The following TEX26 variants were observed in gnomAD, a reference collection of about 807,000 sequenced individuals.
The protein encoded by TEX26 is testis expressed 26.
TEX26 carries 34 observed loss-of-function variants against 35.3 expected under a neutral mutation model. The ratio of observed to expected loss-of-function variants is 0.96; its 90% CI spans 0.73 to 1.28. The LOEUF is 1.28. Among genes scored for constraint, TEX26 ranks in the 50% most tolerant of loss-of-function variants. The probability of loss-of-function intolerance (pLI) is 0.00; values close to 1 mark genes in which losing one functional copy is unlikely to be tolerated. For missense variants in TEX26, 371 were observed against 330.1 expected (o/e 1.12, Z -0.96); for synonymous variants, 136 against 111.8 (o/e 1.22, Z -1.36).
At chr13:30,950,064 A>G (rs1231374865) in intron 2 of TEX26, among the ~76,000 whole-genome samples, 1 of 152,236 alleles carries the variant, frequency 6.6e-6, no homozygotes, top group Non-Finnish European at 1.5e-5. Flanking sequence ...AAAAAATACA[A>G]GATTCCTATT....
rs1239303366 is a variant in TEX26, at chr13:30,968,927, C to A, written c.689C>A (p.Thr230Lys). The part of the protein sequence containing the change: ...LHSYLRNQEH[T>K]KKQTTYQSDY... ...AGCTACCTGAGGAACCAAGAGCACA[C>A]AAAGAAACAGACCACATACCAAAGT... is the stretch of plus-strand genomic sequence containing the variant. Residue 230 changes from threonine (T) to lysine (K), a missense_variant, in exon 6 of 7, where the codon ACA (threonine) becomes AAA (lysine). Coordinates refer to ENST00000380473, the MANE Select transcript of TEX26 (RefSeq NM_152325.3). 1 of 1,614,082 alleles carries A rather than the reference C, an allele frequency of 6.2e-7. No homozygotes were observed. Among genetic ancestry groups the A allele is most frequent in the Non-Finnish European group, 8.5e-7 (1 of 1,179,982 alleles).
At chr13:30,970,986 G>A (rs1343773284) in intron 6 of TEX26, among the ~76,000 whole-genome samples, 3 of 152,204 alleles carry the variant, frequency 2.0e-5, no homozygotes, top group Non-Finnish European at 4.4e-5. Context: ...CTGCTTTCCT[G>A]GTTCCCTCAG....
At chr13:30,956,795 G>A (rs1954148844) in intron 3 of TEX26, 78 bp from the exon 4 acceptor site, 2 of 1,312,810 alleles carry the variant, frequency 1.5e-6, no homozygotes, top group East Asian at 2.3e-5. Context: ...AAGAATATGT[G>A]CACACAGACA....
chr13:30,940,575 C>T (rs368796914), intron 2 of TEX26, among the ~76,000 whole-genome samples: 2 of 151,920 alleles, frequency 1.3e-5, no homozygotes, highest in South Asian at 2.1e-4. Flanking sequence ...CCTTGTGATC[C>T]GCCCGCCTCG....
intron 3 of TEX26, among the ~76,000 whole-genome samples, chr13:30,955,953 G>A (rs1201512561): frequency 6.6e-6 from 1 of 152,196 alleles, no homozygotes; most frequent in East Asian, 1.9e-4. Context: ...TCATGGGAAA[G>A]AGGGACGATG....
At chr13:30,946,666 T>TA (rs1231756414) in intron 2 of TEX26, among the ~76,000 whole-genome samples, 3 of 152,040 alleles carry the variant, frequency 2.0e-5, no homozygotes, top group African/African-American at 7.2e-5. Context: ...TACAGTTTAT[T>TA]ACAGCCTAAT....
Position 30,952,641 on chromosome 13 carries a change from C to T in TEX26, c.147-19C>T. ...GGTATTTAACCTCTAACTCTAATTT[C>T]TGCTGGGTTTTTTTATAGCCAAAAC... On this transcript the variant is annotated intron_variant, in intron 2 of 6. Transcript: ENST00000380473. The T allele has an allele frequency of 6.4e-7, 1 of 1,557,606 alleles. No homozygotes were observed. The highest frequency in any genetic ancestry group is 8.6e-7 in the Non-Finnish European group (1 of 1,157,700).
intron 4 of TEX26, among the ~76,000 whole-genome samples, chr13:30,960,225 A>C (rs976429347): frequency 2.0e-5 from 3 of 151,838 alleles, no homozygotes; most frequent in African/African-American, 7.3e-5. Context: ...TTATTTGAAA[A>C]CTTCTATACC....
At chr13:30,956,666 A>T (rs1004084406) in intron 3 of TEX26, among the ~76,000 whole-genome samples, 1 of 152,202 alleles carries the variant, frequency 6.6e-6, no homozygotes, top group Non-Finnish European at 1.5e-5. Flanking sequence ...CTCATTTTCA[A>T]TGTGAAAAGT....
chr13:30,941,207 A>G (rs565216072), intron 2 of TEX26, among the ~76,000 whole-genome samples: 1 of 152,270 alleles, frequency 6.6e-6, no homozygotes, highest in East Asian at 1.9e-4. Context: ...GAAGTTAGTC[A>G]TTTTCATTCA....
intron 3 of TEX26, 151 bp from the exon 4 acceptor site, chr13:30,956,722 C>G (rs1457066280): frequency 1.5e-6 from 1 of 655,704 alleles, no homozygotes; most frequent in African/African-American, 1.8e-5. Context: ...CAACCAATGT[C>G]TCCTGTTGAC....
chr13:30,967,584 C>T (rs1954582308), intron 5 of TEX26, among the ~76,000 whole-genome samples: 1 of 152,168 alleles, frequency 6.6e-6, no homozygotes, highest in Non-Finnish European at 1.5e-5. Flanking sequence ...TTTCCAGGCC[C>T]TACAAACACT....
intron 6 of TEX26, 52 bp downstream of exon 6, chr13:30,969,098 G>T: frequency 1.3e-6 from 2 of 1,486,996 alleles, no homozygotes; most frequent in African/African-American, 2.8e-5. Context: ...CATTGCTTTT[G>T]CCAAATAGAA....
intron 2 of TEX26, among the ~76,000 whole-genome samples, chr13:30,950,371 C>T (rs919926157): frequency 6.6e-6 from 1 of 151,796 alleles, no homozygotes; most frequent in African/African-American, 2.4e-5. Flanking sequence ...CAGAGTAAGA[C>T]TCTGTCAAAT....
At chr13:30,941,233 T>C (rs939353315) in intron 2 of TEX26, among the ~76,000 whole-genome samples, 3 of 152,120 alleles carry the variant, frequency 2.0e-5, no homozygotes, top group Non-Finnish European at 2.9e-5. Flanking sequence ...CCCACCATAG[T>C]ATGTGATAGA....
At chr13:30,960,657 AT>A (rs1954305434) in intron 4 of TEX26, among the ~76,000 whole-genome samples, 1 of 152,212 alleles carries the variant, frequency 6.6e-6, no homozygotes, top group Non-Finnish European at 1.5e-5. Context: ...TAAAAACAGC[AT>A]TCTGCTCTTA....
intron 2 of TEX26, among the ~76,000 whole-genome samples, chr13:30,942,016 GGTAGA>G (rs1484412222): frequency 1.3e-5 from 2 of 151,898 alleles, no homozygotes; most frequent in African/African-American, 4.8e-5. Flanking sequence ...TTTTCCTTTG[GGTAGA>G]TACCTAGTGG....
At chr13:30,948,188 C>T (rs539327128) in intron 2 of TEX26, among the ~76,000 whole-genome samples, 26 of 152,010 alleles carry the variant, frequency 1.7e-4, no homozygotes, top group Non-Finnish European at 2.5e-4. Context: ...TGAATAGTGC[C>T]GCAATAAACA....
chr13:30,966,152 C>T lies in TEX26; in HGVS notation c.470-70C>T, dbSNP rs1954517404. 8 of 1,562,414 alleles carry T rather than the reference C, an allele frequency of 5.1e-6. No homozygotes were observed. The South Asian group carries it at 9.1e-5, about 18-fold the overall frequency. ...GGCACATTGACCATACCTCTAAACA[C>T]AGCAAGAGTGGGTTTAGCTACTTTG... On this transcript the variant is annotated intron_variant, in intron 4 of 6. Coordinates refer to ENST00000380473, the MANE Select transcript of TEX26 (RefSeq NM_152325.3).
Sources: gnomAD v4.1 joint callset for allele counts (sites outside exome capture counted in the v4.1 genomes callset) on GRCh38, gnomAD v4.1.1 for gene constraint, MANE v1.5 for transcripts, NCBI Gene and HGNC (gene_info 2026-07-23, HGNC 2026-07-21) for gene names.